The following LOC122539214 variants were observed in gnomAD, a reference collection of about 807,000 sequenced individuals.
chr19:52,655,675 A>G, the LOC122539214 span: 23 of 1,174,282 alleles, frequency 2.0e-5, no homozygotes, highest in Non-Finnish European at 2.5e-6. Context: ...ACATCCCTGA[A>G]AGTCAAGCAT....
the LOC122539214 span, among the ~76,000 whole-genome samples, chr19:52,667,747 C>T: frequency 0.59 from 89,548 of 151,834 alleles, 26,655 homozygotes; most frequent in Admixed American, 0.71. Context: ...ACATGCTCTT[C>T]AACAAAAATT....
the LOC122539214 span, among the ~76,000 whole-genome samples, chr19:52,656,918 C>T: frequency 6.6e-6 from 1 of 150,798 alleles, no homozygotes; most frequent in Middle Eastern, 3.5e-3. Context: ...CTCTCCTGGA[C>T]ACATTGCAAA....
the LOC122539214 span, among the ~76,000 whole-genome samples, chr19:52,672,663 G>A: frequency 2.0e-5 from 3 of 152,120 alleles, no homozygotes; most frequent in Non-Finnish European, 2.9e-5. Flanking sequence ...GCAATGGCAC[G>A]GTCTCGGCTC....
chr19:52,687,606 TA>T, the LOC122539214 span, among the ~76,000 whole-genome samples: 17 of 31,808 alleles, frequency 5.3e-4, no homozygotes, highest in African/African-American at 6.1e-3. Flanking sequence ...AATGTATATA[TA>T]TATAATGTGT....
At chr19:52,680,654 C>A in the LOC122539214 span, among the ~76,000 whole-genome samples, 1 of 134,154 alleles carries the variant, frequency 7.5e-6, no homozygotes. Context: ...GCTCTGTCGC[C>A]CAGGCTGGAG....
chr19:52,660,875 A>ATT, the LOC122539214 span: 3 of 153,676 alleles, frequency 2.0e-5, no homozygotes, highest in South Asian at 2.0e-4. Flanking sequence ...TATTTAATTA[A>ATT]TTTTTTTTGA....
At chr19:52,676,324 C>A in the LOC122539214 span, among the ~76,000 whole-genome samples, 1 of 152,092 alleles carries the variant, frequency 6.6e-6, no homozygotes, top group Non-Finnish European at 1.5e-5. Context: ...CTGATCTCGG[C>A]TCACTACAAC....
chr19:52,685,613 G>A, the LOC122539214 span, among the ~76,000 whole-genome samples: 6 of 152,026 alleles, frequency 3.9e-5, no homozygotes, highest in Admixed American at 6.6e-5. Context: ...GAATATATGG[G>A]TGGTCAGGCA....
At chr19:52,676,926 C>T in the LOC122539214 span, among the ~76,000 whole-genome samples, 1 of 138,648 alleles carries the variant, frequency 7.2e-6, no homozygotes, top group East Asian at 2.0e-4. Flanking sequence ...TGCTTGAAGG[C>T]AGCATGCTCC....
chr19:52,652,968 A>G, the LOC122539214 span: 9 of 1,310,408 alleles, frequency 6.9e-6, no homozygotes, highest in Admixed American at 1.2e-4. Flanking sequence ...TGCCACACTC[A>G]TTACACCTGT....
chr19:52,669,001 C>G, the LOC122539214 span, among the ~76,000 whole-genome samples: 1 of 152,158 alleles, frequency 6.6e-6, no homozygotes, highest in Non-Finnish European at 1.5e-5. Flanking sequence ...AGGGAGGAAA[C>G]TTAACATTCC....
chr19:52,687,084 G>A, the LOC122539214 span, among the ~76,000 whole-genome samples: 4 of 151,514 alleles, frequency 2.6e-5, no homozygotes, highest in East Asian at 7.9e-4. Flanking sequence ...AGGAGGCTAA[G>A]GCAGGAGAAT....
At chr19:52,664,825 T>C in the LOC122539214 span, among the ~76,000 whole-genome samples, 2 of 151,950 alleles carry the variant, frequency 1.3e-5, no homozygotes. Flanking sequence ...GGGCCTGAGC[T>C]TCCCTCTATC....
the LOC122539214 span, among the ~76,000 whole-genome samples, chr19:52,659,867 C>T: frequency 1.3e-5 from 2 of 152,124 alleles, no homozygotes; most frequent in Non-Finnish European, 2.9e-5. Context: ...AGCTAACTCT[C>T]ACCCAAGAGG....
the LOC122539214 span, chr19:52,654,902 G>C: frequency 6.5e-6 from 1 of 153,096 alleles, no homozygotes; most frequent in Non-Finnish European, 1.5e-5. Flanking sequence ...CAGAACAAAA[G>C]GCCAAGGGTG....
chr19:52,690,003 G>A, the LOC122539214 span, among the ~76,000 whole-genome samples: 2 of 152,168 alleles, frequency 1.3e-5, no homozygotes, highest in Admixed American at 1.3e-4. Flanking sequence ...GAGGACAAGG[G>A]TGGGGTCTGC....
chr19:52,677,175 A>AAAAAAC, the LOC122539214 span, among the ~76,000 whole-genome samples: 3 of 151,854 alleles, frequency 2.0e-5, no homozygotes, highest in Non-Finnish European at 4.4e-5. Context: ...GATACAATCA[A>AAAAAAC]AAAAACAAAA....
At chr19:52,686,254 C>T in the LOC122539214 span, among the ~76,000 whole-genome samples, 22 of 151,656 alleles carry the variant, frequency 1.5e-4, no homozygotes, top group African/African-American at 4.4e-4. Flanking sequence ...AATTTCAAAC[C>T]GAAACTATTT....
chr19:52,683,228 CTGTGTGTGTG>C, the LOC122539214 span, among the ~76,000 whole-genome samples: 16,744 of 127,640 alleles, frequency 0.13, 1,174 homozygotes, highest in Non-Finnish European at 0.18. Context: ...CCCTGTGACT[CTGTGTGTGTG>C]TGTGTGTGTG....
Sources: allele counts gnomAD v4.1 joint callset (sites outside exome capture counted in the v4.1 genomes callset), GRCh38; gene constraint gnomAD v4.1.1; transcripts MANE v1.5.